Variants in MAD1L1 observed in about 807,000 individuals in gnomAD.
The protein encoded by MAD1L1 is mitotic arrest deficient 1 like 1.
In MAD1L1, 95 loss-of-function variants were observed where a neutral mutation model predicts 96.9. The observed-to-expected ratio is 0.98, with a 90% CI of 0.83 to 1.16. MAD1L1 has a LOEUF of 1.16. Among genes scored for constraint, MAD1L1 ranks in the 50% most tolerant of loss-of-function variants. The pLI is 0.00. For missense variants in MAD1L1, 1,007 were observed against 954.4 expected, an observed-to-expected ratio of 1.06 and a Z score of -0.73; for synonymous variants, 473 against 396.6, an observed-to-expected ratio of 1.19 and a Z score of -2.29.
At chr7:1,868,492 C>CCCCCT (rs200800801) in intron 18 of MAD1L1, among the ~76,000 whole-genome samples, 4 of 150,386 alleles carry the variant, frequency 2.7e-5, no homozygotes, top group African/African-American at 9.8e-5. Context: ...CCCCACCCCA[C>CCCCCT]GGATAATTTA....
chr7:1,929,754 CCACTG>C (rs1483486949), intron 17 of MAD1L1, among the ~76,000 whole-genome samples: 4 of 148,566 alleles, frequency 2.7e-5, no homozygotes, highest in African/African-American at 1.0e-4. Context: ...CGCCCCGTCC[CCACTG>C]CCACGTCCCC....
chr7:2,127,521 C>G (rs569247918), intron 11 of MAD1L1, among the ~76,000 whole-genome samples: 2 of 152,026 alleles, frequency 1.3e-5, no homozygotes, highest in East Asian at 3.9e-4. Flanking sequence ...CCACACCGAC[C>G]GGTAGGAAAG....
At chr7:1,875,120 A>C (rs1785314223) in intron 18 of MAD1L1, among the ~76,000 whole-genome samples, 1 of 152,038 alleles carries the variant, frequency 6.6e-6, no homozygotes, top group Non-Finnish European at 1.5e-5. Flanking sequence ...TGCCCCAGAG[A>C]CGACTAACGA....
At chr7:2,143,946 G>A (rs558777816) in intron 11 of MAD1L1, among the ~76,000 whole-genome samples, 23 of 152,286 alleles carry the variant, frequency 1.5e-4, no homozygotes, top group Admixed American at 5.2e-4. Context: ...AGTCAGCATC[G>A]AGGAGGATGC....
intron 12 of MAD1L1, among the ~76,000 whole-genome samples, chr7:2,026,333 T>C (rs961841645): frequency 2.0e-5 from 3 of 151,946 alleles, no homozygotes; most frequent in African/African-American, 7.3e-5. Flanking sequence ...ATTGACAAAA[T>C]TAAAAGAAGA....
At chr7:1,910,279 G>T (rs546633162) in intron 17 of MAD1L1, among the ~76,000 whole-genome samples, 1 of 152,326 alleles carries the variant, frequency 6.6e-6, no homozygotes, top group South Asian at 2.1e-4. Context: ...CCCCGTGTCA[G>T]TGATCCTCCG....
Position 2,012,013 on chromosome 7 carries a change from T to C in MAD1L1, c.1359+2489A>G, listed in dbSNP as rs540314155. Among the ~76,000 whole-genome samples the C allele has an allele frequency of 2.4e-3, 364 of 152,260 alleles. 3 individuals are homozygous for C. Among genetic ancestry groups the C allele is most frequent in the Admixed American group, 4.8e-3 (73 of 15,302 alleles). ...GCTCTAGCCCTGCTGGGCCCAACTC[T>C]TCTATGTGCCTAATTCTCCTGAAAC... On this transcript the variant is annotated intron_variant, in intron 13 of 18. Coordinates refer to ENST00000265854, the MANE Select transcript of MAD1L1 (RefSeq NM_001013836.2).
At chr7:1,990,421 G>A (rs1257386780) in intron 14 of MAD1L1, among the ~76,000 whole-genome samples, 1 of 152,228 alleles carries the variant, frequency 6.6e-6, no homozygotes, top group Non-Finnish European at 1.5e-5. Context: ...GGGATCTTAG[G>A]TGGAGTCCAC....
chr7:2,046,063 C>T (rs555665505), intron 12 of MAD1L1, among the ~76,000 whole-genome samples: 5 of 152,284 alleles, frequency 3.3e-5, no homozygotes, highest in East Asian at 3.9e-4. Flanking sequence ...GTGGCCACCT[C>T]GGCTGCCTCT....
chr7:2,194,003 G>C (rs1791861509), intron 10 of MAD1L1, among the ~76,000 whole-genome samples: 2 of 135,324 alleles, frequency 1.5e-5, no homozygotes, highest in Admixed American at 1.7e-4. Flanking sequence ...GAGTGCAGTG[G>C]CATGATCTCG....
At chr7:2,006,504 A>G (rs1562600739) in intron 13 of MAD1L1, among the ~76,000 whole-genome samples, 1 of 152,152 alleles carries the variant, frequency 6.6e-6, no homozygotes, top group Non-Finnish European at 1.5e-5. Flanking sequence ...GAACACAGCT[A>G]AAGTAAGAAA....
intron 18 of MAD1L1, chr7:1,817,108 G>T (rs563281843): frequency 1.3e-5 from 2 of 152,270 alleles, no homozygotes; most frequent in African/African-American, 2.4e-5. Context: ...ATGCCAGGAC[G>T]CTGGGCACCG....
At chr7:2,042,107 G>GCA (rs61559940) in intron 12 of MAD1L1, among the ~76,000 whole-genome samples, 25,353 of 150,804 alleles carry the variant, frequency 0.17, 2,218 homozygotes, top group Middle Eastern at 0.29. Flanking sequence ...ACGCACATGT[G>GCA]CACACACACA....
At chr7:1,948,523 G>C (rs1583886775) in intron 16 of MAD1L1, among the ~76,000 whole-genome samples, 1 of 152,218 alleles carries the variant, frequency 6.6e-6, no homozygotes, top group Non-Finnish European at 1.5e-5. Context: ...CACAGCTCCG[G>C]AGCTGGCCTT....
chr7:1,983,458 G>A (rs1781018949), intron 14 of MAD1L1, among the ~76,000 whole-genome samples: 1 of 152,166 alleles, frequency 6.6e-6, no homozygotes, highest in Non-Finnish European at 1.5e-5. Flanking sequence ...CTGGAGTTGG[G>A]ATTGATAGGT....
intron 18 of MAD1L1, among the ~76,000 whole-genome samples, chr7:1,883,662 G>A (rs1455835891): frequency 6.6e-6 from 1 of 152,196 alleles, no homozygotes; most frequent in Non-Finnish European, 1.5e-5. Context: ...GGCAAAGAGG[G>A]TACCGTGGCT....
intron 7 of MAD1L1, 140 bp downstream of exon 7, chr7:2,217,820 GCA>G (rs1352127495): frequency 5.6e-6 from 4 of 711,428 alleles, no homozygotes; most frequent in Non-Finnish European, 1.0e-5. Context: ...CTGGTGCCCA[GCA>G]CAGTGCCCAA....
intron 17 of MAD1L1, among the ~76,000 whole-genome samples, chr7:1,905,963 T>C (rs935964915): frequency 6.7e-6 from 1 of 149,058 alleles, no homozygotes; most frequent in Non-Finnish European, 1.5e-5. Flanking sequence ...GGCAGGAGAA[T>C]TGCTTGAGCC....
intron 11 of MAD1L1, among the ~76,000 whole-genome samples, chr7:2,074,077 C>T (rs972606399): frequency 2.6e-5 from 4 of 152,212 alleles, no homozygotes. Flanking sequence ...TTGCCACTCA[C>T]ACCTGACTGG....
Sources: allele counts gnomAD v4.1 joint callset (sites outside exome capture counted in the v4.1 genomes callset), GRCh38; gene constraint gnomAD v4.1.1; transcripts MANE v1.5; gene names NCBI Gene and HGNC (gene_info 2026-07-23, HGNC 2026-07-21).